ATXN7: variants seen among roughly 807,000 people sequenced by gnomAD.
The protein encoded by ATXN7 is ataxin-7.
Under a neutral mutation model 70.5 loss-of-function variants are expected in ATXN7, and 12 were observed. The ratio of observed to expected loss-of-function variants is 0.17; its 90% CI spans 0.11 to 0.28. ATXN7 has a LOEUF of 0.28. Ranked by LOEUF, ATXN7 falls within the 10% of genes least tolerant of loss-of-function variation. The probability of loss-of-function intolerance (pLI) is 1.00; values close to 1 mark genes in which losing one functional copy is unlikely to be tolerated. For missense variants in ATXN7, 1,256 were observed against 1,131.7 expected (o/e 1.11, Z -1.58); for synonymous variants, 498 against 448.7 (o/e 1.11, Z -1.39).
At chr3:63,993,435 G>GAGC (rs2075705502) in intron 11 of ATXN7, among the ~76,000 whole-genome samples, 1 of 150,686 alleles carries the variant, frequency 6.6e-6, no homozygotes, top group African/African-American at 2.4e-5. Context: ...GGGGGTGACA[G>GAGC]AGCGAGACTC....
intron 5 of ATXN7, among the ~76,000 whole-genome samples, chr3:63,958,932 C>T (rs1012747844): frequency 2.6e-5 from 4 of 152,040 alleles, no homozygotes; most frequent in African/African-American, 4.8e-5. Context: ...AAAAAAAATT[C>T]GGAGACAATA....
intron 2 of ATXN7, chr3:63,911,666 C>T (rs1036407550): frequency 1.3e-5 from 2 of 151,734 alleles, no homozygotes; most frequent in Non-Finnish European, 3.0e-5. Context: ...CATGTTCTCT[C>T]TTTGCTGGAC....
At chr3:63,900,943 C>G (rs781495140) in intron 2 of ATXN7, 1 of 152,238 alleles carries the variant, frequency 6.6e-6, no homozygotes, top group Non-Finnish European at 1.5e-5. Context: ...ACCATCCGGT[C>G]CATGATCCAT....
chr3:63,996,252 G>A lies in ATXN7; in HGVS notation c.2430G>A (p.Gln810=). ...STLSLGPFIH[Q]SNELPVNSHG... ...TTTCTCTTGGGCCATTCATTCACCA[G>A]TCCAATGAACTGCCTGTCAACTCCC... Residue 810 remains glutamine (Q), a synonymous_variant, in exon 12 of 13, where the codon CAG becomes CAA. Coordinates refer to ENST00000674280, the MANE Select transcript of ATXN7 (RefSeq NM_001377405.1). 1 of 1,614,124 alleles carries A rather than the reference G, an allele frequency of 6.2e-7. No individual in the cohort carries two copies. The highest frequency in any genetic ancestry group is 8.5e-7 in the Non-Finnish European group (1 of 1,180,022).
chr3:63,983,571 G>GT (rs2075523876), intron 8 of ATXN7, among the ~76,000 whole-genome samples: 2 of 152,078 alleles, frequency 1.3e-5, no homozygotes, highest in South Asian at 4.2e-4. Flanking sequence ...GAGCCTAGGA[G>GT]TTTGAGTCCA....
At chr3:63,990,605 A>G in intron 10 of ATXN7, 133 bp from the exon 11 acceptor site, 1 of 1,426,270 alleles carries the variant, frequency 7.0e-7, no homozygotes, top group Non-Finnish European at 9.7e-7. Context: ...TGTCACTCTC[A>G]TGCTTCACAG....
At chr3:63,975,201 G>T (rs1253957792) in intron 5 of ATXN7, among the ~76,000 whole-genome samples, 1 of 152,122 alleles carries the variant, frequency 6.6e-6, no homozygotes, top group Non-Finnish European at 1.5e-5. Context: ...CAGGTTCTGT[G>T]GGGGTTTCTT....
chr3:63,864,137 G>A lies in ATXN7; in HGVS notation c.-132G>A, dbSNP rs2107181102. Among the ~76,000 whole-genome samples the A allele has an allele frequency of 6.8e-6, 1 of 147,068 alleles. No homozygotes were observed. The highest frequency in any genetic ancestry group is 3.5e-3 in the Middle Eastern group (1 of 286). On this transcript the variant is annotated 5_prime_UTR_variant, in exon 1 of 13. Transcript: ENST00000674280. ...CCGGCCCACGCCCAGAGGCCGCCCCGGAGGCCGCAGCCAGCCGCCAGGTGA... is the reference window on the plus strand; with the variant it reads ...CCGGCCCACGCCCAGAGGCCGCCCCAGAGGCCGCAGCCAGCCGCCAGGTGA...
At position 63,995,651 on chromosome 3, in the gene ATXN7, G is replaced by T. The variant is rs1368374575; in HGVS notation, c.1829G>T (p.Cys610Phe). The change falls in exon 12 of 13, where the codon TGC becomes TTC. Residue 610 changes from cysteine (C) to phenylalanine (F), a missense_variant. Transcript: ENST00000674280. ...TCCCCAGTCCTGCTCTCATCTACCT[G>T]CATCTCCCCAAATAGCAAATCGGTA... is the stretch of plus-strand genomic sequence containing the variant. ...STSPVLLSSTCISPNSKSVPA... is the reference protein window; with the variant it reads ...STSPVLLSSTFISPNSKSVPA... 6.2e-7 allele frequency: 1 copy of T among 1,614,156 alleles called. No homozygotes were observed. The highest frequency in any genetic ancestry group is 2.2e-5 in the East Asian group (1 of 44,882).
intron 4 of ATXN7, among the ~76,000 whole-genome samples, chr3:63,945,121 T>C (rs1051806467): frequency 6.6e-6 from 1 of 152,186 alleles, no homozygotes; most frequent in African/African-American, 2.4e-5. Context: ...GCTAACTTTA[T>C]TGAGTGATTA....
chr3:63,968,299 G>C (rs2075259132), intron 5 of ATXN7: 1 of 270,870 alleles, frequency 3.7e-6, no homozygotes, highest in South Asian at 8.0e-5. Context: ...CCAAAGTTCA[G>C]ATGCAGACGG....
intron 9 of ATXN7, 98 bp downstream of exon 9, chr3:63,988,422 C>G (rs1404915267): frequency 6.8e-7 from 1 of 1,459,880 alleles, no homozygotes; most frequent in Non-Finnish European, 9.3e-7. Flanking sequence ...AAACATATCT[C>G]AGGCTCACTG....
intron 1 of ATXN7, among the ~76,000 whole-genome samples, chr3:63,865,894 C>CAAAAAAAAAAAAAAAAAAAA (rs34205947): frequency 6.0e-5 from 1 of 16,556 alleles, no homozygotes; most frequent in Non-Finnish European, 1.2e-4. Flanking sequence ...GACTCCATCT[C>CAAAAAAAAAAAAAAAAAAAA]AAAAAAAAAA....
At chr3:63,983,077 A>T in intron 8 of ATXN7, 56 bp downstream of exon 8, 4 of 1,351,140 alleles carry the variant, frequency 3.0e-6, no homozygotes, top group Non-Finnish European at 4.3e-6. Flanking sequence ...GGTGACTGGG[A>T]TGTACCACAC....
At position 63,913,263 on chromosome 3, in the gene ATXN7, C is replaced by T. The variant is rs368210051; in HGVS notation, c.394+38C>T. On this transcript the variant is annotated intron_variant, in intron 4 of 12. Transcript: ENST00000674280. Reference sequence around the variant, plus strand: ...CCCCTGATGGAGTTTGTACAAACCCCTGGGAAGTTTCATTGACAGTTCACT... The same window carrying T: ...CCCCTGATGGAGTTTGTACAAACCCTTGGGAAGTTTCATTGACAGTTCACT... 1.3e-5 allele frequency: 20 copies of T among 1,592,008 alleles called. No homozygotes were observed. In the African/African-American group the frequency reaches 2.6e-4, roughly 20 times the overall value.
In ATXN7 at chr3:64,001,054, A is replaced by G. The variant is rs2075828202; in HGVS notation, c.*1587A>G. 1.3e-5 allele frequency: 2 copies of G among 152,042 alleles called. No individual in the cohort carries two copies. Among genetic ancestry groups the G allele is most frequent in the African/African-American group, 2.4e-5 (1 of 41,482 alleles). The allele number at this position is 152,042 out of a possible 1,614,324, so 9.4% of individuals were successfully genotyped here. A position where few individuals can be genotyped will look rare whatever the true frequency, so the allele number is the denominator to read the frequency against. ...CCAGTCAGTACATTCTTTTTTTCCT[A>G]CAGTTCTTGGGTTTCAAACTTCAGT... On this transcript the variant is annotated 3_prime_UTR_variant, in exon 13 of 13. Coordinates refer to ENST00000674280, the MANE Select transcript of ATXN7 (RefSeq NM_001377405.1).
chr3:63,982,623 A>AGTGTGT (rs71099784), intron 7 of ATXN7, among the ~76,000 whole-genome samples, 178 bp downstream of exon 7: 14,377 of 143,446 alleles, frequency 0.1, 784 homozygotes, highest in South Asian at 0.16. Context: ...AAAGAGCATG[A>AGTGTGT]GTGTGTGTGT....
In ATXN7 at chr3:63,863,990, TC is replaced by T; in HGVS notation, c.-275del. The T allele has an allele frequency of 6.8e-6, 1 of 146,398 alleles. No individual in the cohort carries two copies. The highest frequency in any genetic ancestry group is 1.5e-5 in the Non-Finnish European group (1 of 68,538). The allele number at this position is 146,398 out of a possible 1,614,324, so 9.1% of individuals were successfully genotyped here. ...GCCGCCGCCGCCGCGGGACCCGCGC[TC>T]CCCGCGCTCCCGGTACTCCCCGGGG... On this transcript the variant is annotated 5_prime_UTR_variant, in exon 1 of 13. It introduces an in-frame stop codon into an upstream open reading frame of the 5' UTR. Coordinates refer to ENST00000674280, the MANE Select transcript of ATXN7 (RefSeq NM_001377405.1).
At position 63,980,040 on chromosome 3, in the gene ATXN7, G is replaced by A. The variant is rs1219908196; in HGVS notation, c.625G>A (p.Gly209Arg). The A allele has an allele frequency of 2.5e-6, 4 of 1,614,072 alleles. No individual in the cohort carries two copies. The highest frequency in any genetic ancestry group is 2.2e-5 in the East Asian group (1 of 44,900). Reference protein sequence around the residue: ...SASGSNRSSSGGVLSASSSSS... With the variant: ...SASGSNRSSSRGVLSASSSSS... ...AAGTGGAAGCAACCGTTCTTCCAGTGGAGGTGTTCTTAGCGCATCCTCATC... is the reference window on the plus strand; with the variant it reads ...AAGTGGAAGCAACCGTTCTTCCAGTAGAGGTGTTCTTAGCGCATCCTCATC... The change falls in exon 6 of 13, where the codon GGA becomes AGA. Residue 209 changes from glycine (G) to arginine (R), a missense_variant. Gly to Arg is a moderately radical substitution (Grantham distance 125). Transcript: ENST00000674280.
Sources: gnomAD v4.1 joint callset for allele counts (sites outside exome capture counted in the v4.1 genomes callset) on GRCh38, gnomAD v4.1.1 for gene constraint, MANE v1.5 for transcripts, NCBI Gene and HGNC (gene_info 2026-07-23, HGNC 2026-07-21) for gene names.